PLCB1: variants seen among roughly 807,000 people sequenced by gnomAD.
PLCB1 encodes the protein phospholipase C beta 1.
Under a neutral mutation model 161.8 loss-of-function variants are expected in PLCB1, and 46 were observed. The observed-to-expected ratio is 0.28, with a 90% CI of 0.22 to 0.36. The LOEUF (loss-of-function observed/expected upper bound fraction) is 0.36. PLCB1 is among the 10% of genes least tolerant of loss of function. PLCB1 has a pLI of 1.00. For missense variants in PLCB1, 1,016 were observed against 1,472.5 expected (o/e 0.69, Z 5.07); for synonymous variants, 517 against 503.7 (o/e 1.03, Z -0.35).
rs74653115 is a variant in PLCB1 at position 8,173,697 on chromosome 20, G to C, written c.177+23326G>C. Among the ~76,000 whole-genome samples, 1,100 of 152,208 alleles carry C rather than the reference G, an allele frequency of 7.2e-3. 7 individuals are homozygous for C. Among genetic ancestry groups the C allele is most frequent in the Non-Finnish European group, 0.013 (859 of 68,000 alleles). On this transcript the variant is annotated intron_variant, in intron 2 of 31. Coordinates refer to ENST00000338037, the MANE Select transcript of PLCB1 (RefSeq NM_015192.4). ...ATCAGATTTTGGAATTATCTTACAAGAATTTTAAAGCAGCCACCATAAAAA... is the reference window on the plus strand; with the variant it reads ...ATCAGATTTTGGAATTATCTTACAACAATTTTAAAGCAGCCACCATAAAAA...
intron 3 of PLCB1, among the ~76,000 whole-genome samples, chr20:8,387,962 T>G (rs1987473687): frequency 7.0e-6 from 1 of 143,726 alleles, no homozygotes; most frequent in East Asian, 1.9e-4. Context: ...ATTATGTATG[T>G]TTTACCACTT....
chr20:8,740,488 T>G (rs1420158428), intron 22 of PLCB1, 40 bp downstream of exon 22: 12 of 1,124,096 alleles, frequency 1.1e-5, no homozygotes, highest in Non-Finnish European at 1.5e-5. Context: ...CTCAAAGGGG[T>G]ATTTCTGTCT....
At chr20:8,298,146 A>G (rs964920356) in intron 2 of PLCB1, among the ~76,000 whole-genome samples, 1 of 151,902 alleles carries the variant, frequency 6.6e-6, no homozygotes, top group East Asian at 1.9e-4. Context: ...AATAATTAAA[A>G]TATACAGATA....
intron 2 of PLCB1, among the ~76,000 whole-genome samples, chr20:8,353,344 T>C (rs1986246336): frequency 6.6e-6 from 1 of 152,142 alleles, no homozygotes; most frequent in Admixed American, 6.6e-5. Flanking sequence ...GAATAAATAA[T>C]TGGGAAGAAT....
At chr20:8,719,721 T>C (rs1046109508) in intron 14 of PLCB1, among the ~76,000 whole-genome samples, 2 of 152,208 alleles carry the variant, frequency 1.3e-5, no homozygotes, top group African/African-American at 4.8e-5. Context: ...GATCTGGATA[T>C]CATTTACTCA....
chr20:8,709,205 AT>A (rs1170181640), intron 12 of PLCB1, among the ~76,000 whole-genome samples: 1 of 151,832 alleles, frequency 6.6e-6, no homozygotes, highest in Non-Finnish European at 1.5e-5. Context: ...AGTTCAGCAA[AT>A]CTCCATATTC....
rs1212485872 is a variant in PLCB1, at chr20:8,298,292, C to G, written c.178-73090C>G. Among the ~76,000 whole-genome samples, 8 of 114,564 alleles carry G rather than the reference C, an allele frequency of 7.0e-5. No individual in the cohort carries two copies. The South Asian group carries it at 1.5e-3, about 21-fold the overall frequency. 75.2% of individuals were successfully genotyped at this position (114,564 alleles called of 152,430 possible). On this transcript the variant is annotated intron_variant, in intron 2 of 31. Transcript: ENST00000338037. ...ACTGTGTGACAGAGCAAGACTATGT[C>G]TCAAAAAAAAAAAAAAAAGATGCAA...
At chr20:8,457,714 G>GCGCGCACACACACA (rs1555808428) in intron 3 of PLCB1, among the ~76,000 whole-genome samples, 26 of 145,768 alleles carry the variant, frequency 1.8e-4, no homozygotes, top group African/African-American at 6.1e-4. Context: ...ATGTGTGCGC[G>GCGCGCACACACACA]CACACACACA....
chr20:8,849,514 A>G lies in PLCB1; in HGVS notation c.3424-32108A>G, dbSNP rs111726767. On this transcript the variant is annotated intron_variant, in intron 31 of 31. Transcript: ENST00000338037. Reference sequence around the variant, plus strand: ...AACATGGCAAAACCCCATCTCTACTAAAAACACAAAAATTAGTAGGGCATG... The same window carrying G: ...AACATGGCAAAACCCCATCTCTACTGAAAACACAAAAATTAGTAGGGCATG... Among the ~76,000 whole-genome samples, 708 of 151,944 alleles carry G rather than the reference A, an allele frequency of 4.7e-3. 10 individuals carry two copies. The highest frequency in any genetic ancestry group is 0.016 in the African/African-American group (658 of 41,416).
At chr20:8,679,602 T>C (rs1990166661) in intron 9 of PLCB1, among the ~76,000 whole-genome samples, 1 of 152,220 alleles carries the variant, frequency 6.6e-6, no homozygotes, top group Non-Finnish European at 1.5e-5. Flanking sequence ...GAATTTTGAA[T>C]TGATGTCTTT....
chr20:8,667,853 C>T (rs1373289456), intron 9 of PLCB1, among the ~76,000 whole-genome samples: 1 of 152,116 alleles, frequency 6.6e-6, no homozygotes, highest in African/African-American at 2.4e-5. Flanking sequence ...TGGGACAGAG[C>T]AGAGAATGGC....
At chr20:8,329,582 A>G (rs1600319424) in intron 2 of PLCB1, among the ~76,000 whole-genome samples, 1 of 152,312 alleles carries the variant, frequency 6.6e-6, no homozygotes, top group East Asian at 1.9e-4. Context: ...GAAAATTACA[A>G]TGATCCAGGT....
At chr20:8,295,803 G>A (rs973378989) in intron 2 of PLCB1, among the ~76,000 whole-genome samples, 10 of 152,002 alleles carry the variant, frequency 6.6e-5, no homozygotes, top group East Asian at 5.8e-4. Context: ...TTGACCTCCC[G>A]AACTCAAGTG....
At chr20:8,583,842 C>T (rs1250188595) in intron 3 of PLCB1, among the ~76,000 whole-genome samples, 1 of 152,134 alleles carries the variant, frequency 6.6e-6, no homozygotes, top group South Asian at 2.1e-4. Flanking sequence ...TGTGGAGCAG[C>T]GGTTTACAGC....
intron 2 of PLCB1, among the ~76,000 whole-genome samples, chr20:8,323,018 G>T (rs1306664277): frequency 3.9e-5 from 6 of 152,126 alleles, no homozygotes; most frequent in Non-Finnish European, 4.4e-5. Context: ...TCCTGATGCA[G>T]CCCGATCTCC....
rs371869789 is a variant in PLCB1 at position 8,858,845 on chromosome 20, G to T, written c.3424-22777G>T. On this transcript the variant is annotated intron_variant, in intron 31 of 31. Coordinates refer to ENST00000338037, the MANE Select transcript of PLCB1 (RefSeq NM_015192.4). ...AAAAAGGGGTTCAGTAGACAAAGAA[G>T]GCCATTCCCTTTTTCCCAACTCTTG... Among the ~76,000 whole-genome samples the T allele has an allele frequency of 3.5e-4, 53 of 149,528 alleles. 1 individual carries two copies. The East Asian group carries it at 7.6e-3, about 22-fold the overall frequency.
chr20:8,415,931 G>A (rs940453129), intron 3 of PLCB1, among the ~76,000 whole-genome samples: 1 of 152,172 alleles, frequency 6.6e-6, no homozygotes, highest in Admixed American at 6.5e-5. Context: ...TGTAAAGGAG[G>A]CTTTGGACTT....
intron 3 of PLCB1, among the ~76,000 whole-genome samples, chr20:8,525,195 A>G (rs541440569): frequency 7.2e-5 from 11 of 152,182 alleles, no homozygotes; most frequent in Admixed American, 7.2e-4. Flanking sequence ...ATTGAAGGGC[A>G]GTGGATAGAG....
chr20:8,276,924 CT>C, intron 2 of PLCB1, among the ~76,000 whole-genome samples: 2 of 141,636 alleles, frequency 1.4e-5, no homozygotes, highest in Admixed American at 7.1e-5. Context: ...TCGTCTTCTT[CT>C]TTTCTTCTTC....
Sources: gnomAD v4.1 joint callset for allele counts (sites outside exome capture counted in the v4.1 genomes callset) on GRCh38, gnomAD v4.1.1 for gene constraint, MANE v1.5 for transcripts, NCBI Gene and HGNC (gene_info 2026-07-23, HGNC 2026-07-21) for gene names.